Variants in OSBPL9 observed in about 807,000 individuals in gnomAD.
The protein encoded by OSBPL9 is oxysterol binding protein like 9.
OSBPL9 carries 40 observed loss-of-function variants against 106.6 expected under a neutral mutation model. The ratio of observed to expected loss-of-function variants is 0.38; its 90% CI spans 0.29 to 0.49. The LOEUF (loss-of-function observed/expected upper bound fraction) is 0.49. Among genes scored for constraint, OSBPL9 ranks in the 20% least tolerant of loss-of-function variants. The pLI, the probability that OSBPL9 is intolerant of heterozygous loss-of-function variation, is 0.97. For missense variants in OSBPL9, 609 were observed against 887.2 expected (o/e 0.69, Z 3.98); for synonymous variants, 269 against 295.4 (o/e 0.91, Z 0.92).
At chr1:51,679,236 C>A (rs905178387) in intron 3 of OSBPL9, among the ~76,000 whole-genome samples, 3 of 152,144 alleles carry the variant, frequency 2.0e-5, no homozygotes, top group African/African-American at 7.2e-5. Flanking sequence ...AAATTATAAT[C>A]TTTCCAGGTT....
intron 2 of OSBPL9, among the ~76,000 whole-genome samples, chr1:51,652,399 G>A (rs894287695): frequency 4.6e-5 from 7 of 152,130 alleles, no homozygotes; most frequent in East Asian, 1.9e-4. Flanking sequence ...GTTAGCTGCC[G>A]CTGCTTTGTT....
At chr1:51,529,988 G>A in the OSBPL9 span, among the ~76,000 whole-genome samples, 6 of 151,050 alleles carry the variant, frequency 4.0e-5, no homozygotes, top group East Asian at 7.8e-4. Context: ...TGGCTAACAC[G>A]GTGAAACCCG....
the OSBPL9 span, among the ~76,000 whole-genome samples, chr1:51,540,390 T>C: frequency 2.0e-5 from 3 of 151,872 alleles, no homozygotes; most frequent in African/African-American, 7.3e-5. Flanking sequence ...GGCGTGGTGG[T>C]TCATGCCTGT....
At chr1:51,699,759 G>T (rs1656839074) in intron 3 of OSBPL9, among the ~76,000 whole-genome samples, 1 of 152,128 alleles carries the variant, frequency 6.6e-6, no homozygotes, top group Non-Finnish European at 1.5e-5. Flanking sequence ...CTTATAAAGT[G>T]TTATGGCTCC....
At chr1:51,669,551 A>G (rs1427435509) in intron 3 of OSBPL9, 39 bp downstream of exon 3, 7 of 1,588,608 alleles carry the variant, frequency 4.4e-6, no homozygotes, top group East Asian at 4.5e-5. Context: ...TCATAGTCCC[A>G]TCTGCTTCTT....
chr1:51,693,469 G>A (rs1051523012), intron 3 of OSBPL9, among the ~76,000 whole-genome samples: 3 of 152,070 alleles, frequency 2.0e-5, no homozygotes, highest in Non-Finnish European at 4.4e-5. Flanking sequence ...AGCGAGGGAA[G>A]GGAAAAAAAT....
In OSBPL9 at chr1:51,787,374, C is replaced by G. The variant is rs1243832269; in HGVS notation, c.2022C>G (p.Phe674Leu). Residue 674 changes from phenylalanine (F) to leucine (L), a missense_variant, in exon 23 of 24, where the codon TTC (phenylalanine) becomes TTG (leucine). Physicochemically the swap from Phe to Leu is conservative, Grantham distance 22 (BLOSUM62 0). Transcript: ENST00000428468. Reference protein sequence around the residue: ...ESRSLWKDVTFNLKIRDIDAA... With the variant: ...ESRSLWKDVTLNLKIRDIDAA... The stretch of plus-strand genomic sequence containing the variant: ...TTAGCCTTTGGAAGGATGTCACTTT[C>G]AACTTAAAAATCAGAGACATTGATG... 5 of 1,613,848 alleles carry G rather than the reference C, an allele frequency of 3.1e-6. No homozygotes were observed. The highest frequency in any genetic ancestry group is 2.7e-5 in the African/African-American group (2 of 74,898).
intron 2 of OSBPL9, among the ~76,000 whole-genome samples, chr1:51,609,787 G>T (rs1643973778): frequency 1.4e-5 from 2 of 146,484 alleles, no homozygotes; most frequent in South Asian, 4.3e-4. Flanking sequence ...TGCTCTTGTT[G>T]CCCAGGCTGG....
chr1:51,745,045 G>C (rs1171595222), intron 4 of OSBPL9: 2 of 155,372 alleles, frequency 1.3e-5, no homozygotes, highest in African/African-American at 4.8e-5. Context: ...TCTTTCTTTA[G>C]TAGGGGAGGA....
At chr1:51,660,544 C>G (rs1647075805) in intron 2 of OSBPL9, among the ~76,000 whole-genome samples, 1 of 152,162 alleles carries the variant, frequency 6.6e-6, no homozygotes, top group Non-Finnish European at 1.5e-5. Context: ...TACATACTTT[C>G]AATTCATGTA....
rs1553198975 is a variant in OSBPL9, at chr1:51,788,733, G to GTATT, written c.*948_*951dup. 5.9e-5 allele frequency among the ~76,000 whole-genome samples: 9 copies of GTATT among 152,102 alleles called. 1 individual carries two copies. The highest frequency in any genetic ancestry group is 5.8e-4 in the East Asian group (3 of 5,186). Reference sequence around the variant, plus strand: ...GCCTTAGAGGGTTTGGGAAGAGTGTGTATTTATAGATCCCCACCCCACAGT... The same window carrying GTATT: ...GCCTTAGAGGGTTTGGGAAGAGTGTGTATTTATTTATAGATCCCCACCCCACAGT... On this transcript the variant is annotated 3_prime_UTR_variant, in exon 24 of 24. Transcript: ENST00000428468.
chr1:51,745,430 T>C (rs1273008099), intron 4 of OSBPL9, 106 bp from the exon 5 acceptor site: 1 of 1,481,424 alleles, frequency 6.8e-7, no homozygotes. Flanking sequence ...AATAGAACTG[T>C]ATTTTAAAAA....
the OSBPL9 span, among the ~76,000 whole-genome samples, chr1:51,534,324 A>G: frequency 1.3e-5 from 2 of 151,996 alleles, no homozygotes; most frequent in South Asian, 2.1e-4. Flanking sequence ...GGGAAGTTTT[A>G]TGCTTTGGAT....
rs1034759075 is a variant in OSBPL9 at position 51,648,024 on chromosome 1, C to T, written c.112-3967C>T. Among the ~76,000 whole-genome samples, 2 of 152,108 alleles carry T rather than the reference C, an allele frequency of 1.3e-5. 1 individual carries two copies. Among genetic ancestry groups the T allele is most frequent in the African/African-American group, 4.8e-5 (2 of 41,418 alleles). On this transcript the variant is annotated intron_variant, in intron 1 of 23. Coordinates refer to ENST00000428468, the MANE Select transcript of OSBPL9 (RefSeq NM_024586.6). Reference sequence around the variant, plus strand: ...CAGTAGCATTCATTTCAGAGTGGTCCTTTTTTAAGGTACCGGGCCTTGTAG... The same window carrying T: ...CAGTAGCATTCATTTCAGAGTGGTCTTTTTTTAAGGTACCGGGCCTTGTAG...
At chr1:51,699,201 A>G (rs543162202) in intron 3 of OSBPL9, among the ~76,000 whole-genome samples, 4 of 152,326 alleles carry the variant, frequency 2.6e-5, no homozygotes, top group Admixed American at 6.5e-5. Context: ...GCAAAGCTAC[A>G]TGTATACATT....
At chr1:51,519,990 A>G in the OSBPL9 span, among the ~76,000 whole-genome samples, 20 of 152,248 alleles carry the variant, frequency 1.3e-4, no homozygotes, top group Non-Finnish European at 2.8e-4. Context: ...AGCTTCTCCC[A>G]TCATCCACTT....
chr1:51,751,798 T>G (rs1490894436), intron 8 of OSBPL9, among the ~76,000 whole-genome samples: 2 of 152,238 alleles, frequency 1.3e-5, no homozygotes, highest in African/African-American at 4.8e-5. Context: ...CTAGCCTATT[T>G]CAGTAGCTCA....
chr1:51,615,144 T>G (rs909444402), upstream of OSBPL9, among the ~76,000 whole-genome samples: 2 of 152,044 alleles, frequency 1.3e-5, no homozygotes, highest in African/African-American at 2.4e-5. Context: ...CCCAGCTACT[T>G]GGGAGGCTGC....
At chr1:51,635,704 C>G (rs1645388034) in intron 1 of OSBPL9, among the ~76,000 whole-genome samples, 1 of 152,070 alleles carries the variant, frequency 6.6e-6, no homozygotes, top group Admixed American at 6.6e-5. Context: ...AAGTGGTTCT[C>G]TCCACTCACC....
Sources: allele counts gnomAD v4.1 joint callset (sites outside exome capture counted in the v4.1 genomes callset), GRCh38; gene constraint gnomAD v4.1.1; transcripts MANE v1.5; gene names NCBI Gene and HGNC (gene_info 2026-07-23, HGNC 2026-07-21).